The following TMEM120B variants were observed in gnomAD, a reference collection of about 807,000 sequenced individuals.
The protein encoded by TMEM120B is transmembrane protein 120B.
TMEM120B carries 31 observed loss-of-function variants against 55.5 expected under a neutral mutation model. The observed-to-expected ratio is 0.56, with a 90% CI of 0.42 to 0.75. The LOEUF (loss-of-function observed/expected upper bound fraction) is 0.75, where lower values mean the gene tolerates loss of function less well. Ranked by LOEUF, TMEM120B falls within the 30% of genes least tolerant of loss-of-function variation. TMEM120B has a pLI of 0.00. For synonymous variants in TMEM120B, 203 were observed against 176.3 expected (o/e 1.15, Z -1.20); for missense variants, 399 against 425.5 (o/e 0.94, Z 0.55).
intron 1 of TMEM120B, among the ~76,000 whole-genome samples, chr12:121,713,189 T>G (rs1325004905): frequency 2.6e-5 from 4 of 152,086 alleles, no homozygotes; most frequent in Non-Finnish European, 5.9e-5. Context: ...TCCGCCGCCC[T>G]CCCACTGGCT....
chr12:121,771,083 A>G (rs34623055), intron 7 of TMEM120B, 111 bp downstream of exon 7: 347,340 of 1,185,766 alleles, frequency 0.29, 56,394 homozygotes, highest in African/African-American at 0.62. Context: ...TCCAGGGCCA[A>G]CTTGGGAAAG....
At position 121,775,182 on chromosome 12, in the gene TMEM120B, G is replaced by T. The variant is rs1412594767; in HGVS notation, c.906+52G>T. On this transcript the variant is annotated intron_variant, in intron 11 of 11. Transcript: ENST00000449592. The surrounding 1 kb of genome is among the most constrained non-coding windows in gnomAD (Gnocchi z 4.3). Reference sequence around the variant, plus strand: ...GGAGGTTCCCGGGAGGGCTGGGGTGGCAGGGATGGGGTGTATGTGTGGCAT... The same window carrying T: ...GGAGGTTCCCGGGAGGGCTGGGGTGTCAGGGATGGGGTGTATGTGTGGCAT... The T allele has an allele frequency of 1.4e-6, 2 of 1,411,990 alleles. No individual in the cohort carries two copies. The highest frequency in any genetic ancestry group is 1.5e-5 in the African/African-American group (1 of 68,940). The allele number at this position is 1,411,990 out of a possible 1,614,324, so 87.5% of individuals were successfully genotyped here.
At chr12:121,737,679 G>C (rs904781981) in intron 1 of TMEM120B, among the ~76,000 whole-genome samples, 2 of 152,024 alleles carry the variant, frequency 1.3e-5, no homozygotes, top group African/African-American at 4.8e-5. Flanking sequence ...AGAGAGGGTG[G>C]AGGGCAAGCA....
At chr12:121,760,472 C>T (rs1269969196) in intron 5 of TMEM120B, among the ~76,000 whole-genome samples, 3 of 152,148 alleles carry the variant, frequency 2.0e-5, no homozygotes, top group South Asian at 2.1e-4. Context: ...CAGTGGCCTG[C>T]GAGCTGGGAG....
At chr12:121,771,309 T>C (rs1314593165) in intron 7 of TMEM120B, among the ~76,000 whole-genome samples, 179 bp from the exon 8 acceptor site, 2 of 152,102 alleles carry the variant, frequency 1.3e-5, no homozygotes, top group African/African-American at 4.8e-5. Context: ...ACCCCTGTGC[T>C]TCTAGAAAGG....
chr12:121,752,242 T>A lies in TMEM120B; in HGVS notation c.461+19T>A. On this transcript the variant is annotated intron_variant, in intron 5 of 11. Transcript: ENST00000449592. ...ACTACAGGTAGTGGGTGTGGCCGTG[T>A]GTGCCTGGGCCTGGGCATGCAGACG... 1 of 1,609,260 alleles carries A rather than the reference T, an allele frequency of 6.2e-7. No individual in the cohort carries two copies. The highest frequency in any genetic ancestry group is 1.1e-5 in the South Asian group (1 of 90,970).
intron 1 of TMEM120B, among the ~76,000 whole-genome samples, chr12:121,737,802 G>A (rs1481388217): frequency 6.6e-6 from 1 of 152,052 alleles, no homozygotes; most frequent in Non-Finnish European, 1.5e-5. Context: ...TTGAGGCCAG[G>A]AGTTTGAGAC....
chr12:121,735,511 G>A (rs2137075470), intron 1 of TMEM120B, among the ~76,000 whole-genome samples: 1 of 151,152 alleles, frequency 6.6e-6, no homozygotes, highest in Admixed American at 6.6e-5. Flanking sequence ...TAATTCTCCT[G>A]CCTCAGCCTC....
chr12:121,739,998 C>CA (rs1432270940), intron 1 of TMEM120B, among the ~76,000 whole-genome samples: 1 of 151,636 alleles, frequency 6.6e-6, no homozygotes, highest in African/African-American at 2.4e-5. Context: ...AGCCTGGTCT[C>CA]AAACTCCTGA....
chr12:121,779,657 C>T lies in TMEM120B; in HGVS notation c.*3935C>T, dbSNP rs756293631. 4.3e-6 allele frequency: 7 copies of T among 1,613,774 alleles called. No homozygotes were observed. In the African/African-American group the frequency reaches 6.7e-5, roughly 15 times the overall value. On this transcript the variant is annotated 3_prime_UTR_variant, in exon 12 of 12. Coordinates refer to ENST00000449592, the MANE Select transcript of TMEM120B (RefSeq NM_001080825.2). ...CAGCTCGGATCTGTTCGCAGGCGCT[C>T]AGGCCCTGGGTGGGGGGAGGAGCCA...
intron 6 of TMEM120B, among the ~76,000 whole-genome samples, chr12:121,769,177 C>A (rs1320046235): frequency 6.7e-6 from 1 of 148,628 alleles, no homozygotes; most frequent in African/African-American, 2.5e-5. Context: ...AAAAAAACCC[C>A]AAAAAACCCA....
chr12:121,741,924 C>A (rs1055614244), intron 1 of TMEM120B, among the ~76,000 whole-genome samples: 3 of 152,008 alleles, frequency 2.0e-5, no homozygotes, highest in African/African-American at 7.2e-5. Context: ...AGGTGACTCA[C>A]TCACAGCATT....
At chr12:121,746,643 C>T (rs970558841) in intron 2 of TMEM120B, among the ~76,000 whole-genome samples, 1 of 152,064 alleles carries the variant, frequency 6.6e-6, no homozygotes, top group African/African-American at 2.4e-5. Context: ...ATCATGCCTG[C>T]TAGCTATTTC....
In TMEM120B at chr12:121,759,771, T is replaced by C. The variant is rs575219740; in HGVS notation, c.462-1878T>C. Among the ~76,000 whole-genome samples the C allele has an allele frequency of 3.3e-5, 5 of 151,976 alleles. No individual in the cohort carries two copies. In the South Asian group the frequency reaches 8.3e-4, roughly 25 times the overall value. On this transcript the variant is annotated intron_variant, in intron 5 of 11. Coordinates refer to ENST00000449592, the MANE Select transcript of TMEM120B (RefSeq NM_001080825.2). Reference sequence around the variant, plus strand: ...AGCACTTTTGGGAGGCTGAGTTGGGTGAATCACTTGTGGTCAGGAGTTCGA... The same window carrying C: ...AGCACTTTTGGGAGGCTGAGTTGGGCGAATCACTTGTGGTCAGGAGTTCGA...
At chr12:121,756,319 G>A (rs1359884348) in intron 5 of TMEM120B, among the ~76,000 whole-genome samples, 2 of 152,086 alleles carry the variant, frequency 1.3e-5, no homozygotes, top group African/African-American at 4.8e-5. Context: ...GCAACATGGC[G>A]AAACCCCCTC....
chr12:121,758,021 A>T (rs1293586399), intron 5 of TMEM120B: 56 of 279,668 alleles, frequency 2.0e-4, no homozygotes, highest in Non-Finnish European at 3.0e-4. Flanking sequence ...TAGGAGTCTG[A>T]GGTGAGAGGA....
chr12:121,768,047 G>C (rs1592947456), intron 6 of TMEM120B, among the ~76,000 whole-genome samples: 1 of 152,172 alleles, frequency 6.6e-6, no homozygotes, highest in South Asian at 2.1e-4. Context: ...TGGAAGTTGG[G>C]GGATCTGGCC....
At chr12:121,754,355 C>T (rs895315627) in intron 5 of TMEM120B, among the ~76,000 whole-genome samples, 5 of 152,228 alleles carry the variant, frequency 3.3e-5, no homozygotes, top group Non-Finnish European at 5.9e-5. Context: ...CCCAAGGTTC[C>T]CCGAGGGCCT....
intron 1 of TMEM120B, among the ~76,000 whole-genome samples, chr12:121,727,873 C>CAAAAA (rs10710244): frequency 2.5e-5 from 2 of 80,560 alleles, no homozygotes; most frequent in Non-Finnish European, 4.7e-5. Context: ...CACTCCATCT[C>CAAAAA]AAAAAAAAAA....
Sources: gnomAD v4.1 joint callset for allele counts (sites outside exome capture counted in the v4.1 genomes callset) on GRCh38, gnomAD v4.1.1 for gene constraint, Gnocchi (gnomAD v3.1) non-coding constraint, MANE v1.5 for transcripts, NCBI Gene and HGNC (gene_info 2026-07-23, HGNC 2026-07-21) for gene names.